CNKSR2: variants seen among roughly 807,000 people sequenced by gnomAD.
CNKSR2 encodes the protein CNK homolog protein 2.
CNKSR2 carries 14 observed loss-of-function variants against 84.4 expected under a neutral mutation model. That is an observed-to-expected ratio of 0.17 (90% CI 0.11 to 0.26). The LOEUF is 0.26. CNKSR2 is among the 10% of genes least tolerant of loss of function. CNKSR2 has a pLI of 1.00. For missense variants in CNKSR2, 485 were observed against 771.2 expected (o/e 0.63, Z 4.40); for synonymous variants, 275 against 277.9 (o/e 0.99, Z 0.10).
At chrX:21,641,204 CTA>C (rs959029919) in intron 20 of CNKSR2, among the ~76,000 whole-genome samples, 1 of 111,769 alleles carries the variant, frequency 8.9e-6, no homozygotes, top group Non-Finnish European at 1.9e-5. Flanking sequence ...TTAACATAAA[CTA>C]TTCTGATTAA....
Position 21,633,738 on chromosome X carries a change from A to G in CNKSR2, c.2693-15093A>G, listed in dbSNP as rs185881155. Among the ~76,000 whole-genome samples, 46 of 112,558 alleles carry G rather than the reference A, an allele frequency of 4.1e-4. No homozygotes were observed. The East Asian group carries it at 0.011, about 26-fold the overall frequency. ...TGTATTTTTCCATAAGAACATTGAGAGTCAGCATATCTCTAACTCTTTAGT... is the reference window on the plus strand; with the variant it reads ...TGTATTTTTCCATAAGAACATTGAGGGTCAGCATATCTCTAACTCTTTAGT... On this transcript the variant is annotated intron_variant, in intron 20 of 21. Coordinates refer to ENST00000379510, the MANE Select transcript of CNKSR2 (RefSeq NM_014927.5).
intron 5 of CNKSR2, among the ~76,000 whole-genome samples, chrX:21,482,188 A>T (rs753024842): frequency 8.9e-6 from 1 of 112,646 alleles, no homozygotes; most frequent in African/African-American, 3.2e-5. Context: ...AGCAGAGAAT[A>T]AATACGAGAA....
chrX:21,585,907 CAA>C (rs759406263), intron 13 of CNKSR2, among the ~76,000 whole-genome samples: 1 of 111,684 alleles, frequency 9.0e-6, no homozygotes, highest in Non-Finnish European at 1.9e-5. Flanking sequence ...AAAATGCTAA[CAA>C]GAGAAATCCA....
chrX:21,540,526 T>C (rs2091967552), intron 11 of CNKSR2, among the ~76,000 whole-genome samples: 1 of 112,027 alleles, frequency 8.9e-6, no homozygotes. Flanking sequence ...CTTAAATATA[T>C]TGTTTAAAAA....
chrX:21,575,731 C>G (rs1000481801), intron 13 of CNKSR2, among the ~76,000 whole-genome samples: 13 of 111,490 alleles, frequency 1.2e-4, no homozygotes, highest in Admixed American at 3.8e-4. Flanking sequence ...TCAATAGGCA[C>G]CGACAAAATA....
chrX:21,512,138 T>G (rs1440671837), intron 8 of CNKSR2, among the ~76,000 whole-genome samples: 1 of 112,136 alleles, frequency 8.9e-6, no homozygotes, highest in Non-Finnish European at 1.9e-5. Context: ...TAAAAACATA[T>G]GAAACACCTA....
intron 11 of CNKSR2, among the ~76,000 whole-genome samples, chrX:21,541,144 A>C (rs1198409631): frequency 1.8e-5 from 2 of 109,691 alleles, no homozygotes; most frequent in African/African-American, 6.7e-5. Context: ...CACCACGCCC[A>C]GCTAATTTTT....
At chrX:21,512,764 G>A (rs1176434143) in intron 8 of CNKSR2, among the ~76,000 whole-genome samples, 1 of 111,151 alleles carries the variant, frequency 9.0e-6, no homozygotes, top group East Asian at 2.9e-4. Flanking sequence ...TTTTTGTTTT[G>A]TTTTGTTTTG....
rs776246520 is a variant in CNKSR2 at position 21,421,237 on chromosome X, G to A, written c.65-5260G>A. ...CACAAAGAAACACTCTAGTCACCACGCTACCACTGCCTGGGCTTCAGGAAG... is the reference window on the plus strand; with the variant it reads ...CACAAAGAAACACTCTAGTCACCACACTACCACTGCCTGGGCTTCAGGAAG... On this transcript the variant is annotated intron_variant, in intron 1 of 21. Transcript: ENST00000379510. Among the ~76,000 whole-genome samples the A allele has an allele frequency of 5.5e-5, 6 of 108,601 alleles. No homozygotes were observed. The South Asian group carries it at 2.1e-3, about 37-fold the overall frequency. 94.3% of individuals were successfully genotyped at this position (108,601 alleles called of 115,157 possible).
chrX:21,630,736 C>T (rs760466790), intron 20 of CNKSR2, among the ~76,000 whole-genome samples: 1 of 111,200 alleles, frequency 9.0e-6, no homozygotes, highest in South Asian at 3.8e-4. Context: ...TATTGACCTA[C>T]ATAAAAGGAA....
chrX:21,591,558 G>T (rs372303425), intron 15 of CNKSR2: 459 of 108,117 alleles, frequency 4.2e-3, no homozygotes, highest in African/African-American at 0.012. Context: ...CTTTTTTCTG[G>T]TTTTTTTTTT....
intron 2 of CNKSR2, among the ~76,000 whole-genome samples, chrX:21,431,338 T>A (rs1176840072): frequency 1.8e-5 from 2 of 111,647 alleles, no homozygotes; most frequent in African/African-American, 6.5e-5. Flanking sequence ...AGGAGTAGAA[T>A]ATTGGTGCTA....
At chrX:21,425,086 T>G (rs1161982622) in intron 1 of CNKSR2, 1 of 111,692 alleles carries the variant, frequency 9.0e-6, no homozygotes, top group Non-Finnish European at 1.9e-5. Context: ...GTCTCTAACA[T>G]CTTTAAGAAA....
At chrX:21,618,538 T>C (rs768190640) in intron 20 of CNKSR2, among the ~76,000 whole-genome samples, 2 of 112,193 alleles carry the variant, frequency 1.8e-5, no homozygotes, top group Non-Finnish European at 3.8e-5. Flanking sequence ...ACACAAAATA[T>C]GCCAATAAAA....
intron 1 of CNKSR2, among the ~76,000 whole-genome samples, chrX:21,414,490 A>G (rs1203603261): frequency 1.8e-5 from 2 of 109,509 alleles, no homozygotes; most frequent in Non-Finnish European, 3.8e-5. Flanking sequence ...TCAGGTGGGT[A>G]GCTTGCAAAT....
At chrX:21,532,819 A>G (rs2091897065) in intron 11 of CNKSR2, among the ~76,000 whole-genome samples, 2 of 111,751 alleles carry the variant, frequency 1.8e-5, no homozygotes, top group Non-Finnish European at 3.8e-5. Context: ...TCAAATTAAT[A>G]ATTTTTAGCG....
chrX:21,385,160 C>T lies in CNKSR2; in HGVS notation c.64+10199C>T, dbSNP rs1324524252. Among the ~76,000 whole-genome samples the T allele has an allele frequency of 6.3e-5, 7 of 111,650 alleles. No individual in the cohort carries two copies. The East Asian group carries it at 2.0e-3, about 31-fold the overall frequency. On this transcript the variant is annotated intron_variant, in intron 1 of 21. Transcript: ENST00000379510. ...ATATGTAATATAGTACAGGTAAGAG[C>T]ACTTTGGAATCATGATACCTGGGTT...
At chrX:21,650,901 G>T (rs2092719386) in intron 21 of CNKSR2, among the ~76,000 whole-genome samples, 1 of 111,801 alleles carries the variant, frequency 8.9e-6, no homozygotes, top group Non-Finnish European at 1.9e-5. Flanking sequence ...AAGAATAGTT[G>T]CAGTGACTAA....
intron 11 of CNKSR2, among the ~76,000 whole-genome samples, chrX:21,536,299 G>A (rs747835051): frequency 6.3e-4 from 70 of 111,131 alleles, no homozygotes; most frequent in Non-Finnish European, 1.1e-3. Flanking sequence ...ATATTCATGA[G>A]GGATATTGGT....
Sources: gnomAD v4.1 joint callset for allele counts (sites outside exome capture counted in the v4.1 genomes callset) on GRCh38, gnomAD v4.1.1 for gene constraint, MANE v1.5 for transcripts, NCBI Gene and HGNC (gene_info 2026-07-23, HGNC 2026-07-21) for gene names.